VMP1: variants seen among roughly 807,000 people sequenced by gnomAD.
The protein encoded by VMP1 is vacuole membrane protein 1.
Under a neutral mutation model 56.0 loss-of-function variants are expected in VMP1, and 11 were observed. That is an observed-to-expected ratio of 0.20 (90% CI 0.12 to 0.32). VMP1 has a LOEUF of 0.32. Ranked by LOEUF, VMP1 falls within the 10% of genes least tolerant of loss-of-function variation. The pLI is 1.00. For missense variants in VMP1, 296 were observed against 490.3 expected (o/e 0.60, Z 3.74); for synonymous variants, 149 against 165.0 (o/e 0.90, Z 0.74).
chr17:59,737,557 C>A lies in VMP1; in HGVS notation c.303+14C>A. ...GTGCATCAACAGGTGAGAGGTCGAG[C>A]AATTCTGTTTCTAGTCTTGCACATT... On this transcript the variant is annotated intron_variant, in intron 4 of 11. Transcript: ENST00000262291. 6.3e-7 allele frequency: 1 copy of A among 1,594,926 alleles called. No individual in the cohort carries two copies. Among genetic ancestry groups the A allele is most frequent in the Non-Finnish European group, 8.5e-7 (1 of 1,171,514 alleles).
At chr17:59,809,484 ATTTTTTTTTTTTTTTTTTTTT>A (rs71145575) in intron 8 of VMP1, among the ~76,000 whole-genome samples, 4 of 52,716 alleles carry the variant, frequency 7.6e-5, no homozygotes, top group African/African-American at 2.0e-4. Flanking sequence ...CACCCAGCTA[ATTTTTTTTTTTTTTTTTTTTT>A]TTTTTTTTTT....
At chr17:59,743,038 C>A (rs2035287224) in intron 5 of VMP1, among the ~76,000 whole-genome samples, 1 of 152,036 alleles carries the variant, frequency 6.6e-6, no homozygotes, top group Non-Finnish European at 1.5e-5. Context: ...CACACAGTTT[C>A]CTCTACTATT....
At chr17:59,776,302 A>G (rs2036616063) in intron 7 of VMP1, among the ~76,000 whole-genome samples, 1 of 152,216 alleles carries the variant, frequency 6.6e-6, no homozygotes, top group Non-Finnish European at 1.5e-5. Flanking sequence ...TGAATTTAGA[A>G]TAGCCAAATA....
rs1464294001 is a variant in VMP1 at position 59,738,872 on chromosome 17, T to C, written c.339T>C (p.Tyr113=). ...GTATAGAGAAACAGTTTCTTTTGTA[T>C]GCCTACTGGATAGGCTTAGGAATTT... ...VQRIEKQFLL[Y]AYWIGLGILS... Residue 113 remains tyrosine, a synonymous_variant, in exon 5 of 12, where the codon TAT becomes TAC. Transcript: ENST00000262291. The C allele has an allele frequency of 6.2e-6, 10 of 1,613,168 alleles. No individual in the cohort carries two copies. Among genetic ancestry groups the C allele is most frequent in the Non-Finnish European group, 8.5e-6 (10 of 1,179,634 alleles).
intron 1 of VMP1, among the ~76,000 whole-genome samples, chr17:59,710,292 A>G (rs2033865800): frequency 6.6e-6 from 1 of 152,224 alleles, no homozygotes; most frequent in Non-Finnish European, 1.5e-5. Flanking sequence ...TTAACAGAGG[A>G]GAAAATTAAG....
At chr17:59,739,755 C>T (rs1418571528) in intron 5 of VMP1, among the ~76,000 whole-genome samples, 2 of 126,606 alleles carry the variant, frequency 1.6e-5, no homozygotes, top group African/African-American at 5.9e-5. Context: ...AGTGCCCCTT[C>T]TGAAAAATAT....
chr17:59,738,738 T>A (rs2035104348), intron 4 of VMP1, 99 bp from the exon 5 acceptor site: 1 of 901,434 alleles, frequency 1.1e-6, no homozygotes, highest in Middle Eastern at 2.3e-4. Context: ...TTTTTCCTAT[T>A]TGAAACTTAC....
intron 5 of VMP1, among the ~76,000 whole-genome samples, chr17:59,759,440 T>A (rs1225438478): frequency 6.6e-6 from 1 of 152,180 alleles, no homozygotes; most frequent in Non-Finnish European, 1.5e-5. Context: ...GTTCTGTCAG[T>A]TTTTGCTTTA....
intron 7 of VMP1, among the ~76,000 whole-genome samples, chr17:59,781,588 A>T (rs1241977485): frequency 6.6e-6 from 1 of 152,244 alleles, no homozygotes; most frequent in East Asian, 1.9e-4. Context: ...TATACCTAAG[A>T]GTGAAATCAT....
chr17:59,753,908 G>C (rs1230674343), intron 5 of VMP1, among the ~76,000 whole-genome samples: 1 of 152,138 alleles, frequency 6.6e-6, no homozygotes, highest in Non-Finnish European at 1.5e-5. Flanking sequence ...GAACTATTCA[G>C]TTACATTGTA....
chr17:59,839,652 T>G, intron 11 of VMP1, 116 bp from the exon 12 acceptor site: 1 of 1,353,164 alleles, frequency 7.4e-7, no homozygotes, highest in Non-Finnish European at 1.0e-6. Context: ...TTACTTTTCA[T>G]TTTTAATTCT....
chr17:59,778,606 T>A (rs548488870), intron 7 of VMP1, among the ~76,000 whole-genome samples: 1 of 151,374 alleles, frequency 6.6e-6, no homozygotes, highest in Admixed American at 6.6e-5. Context: ...ACAGGCCAGG[T>A]GTAGTGATGG....
chr17:59,789,587 T>G (rs1055233018), intron 7 of VMP1, among the ~76,000 whole-genome samples: 12 of 152,194 alleles, frequency 7.9e-5, no homozygotes, highest in Admixed American at 3.3e-4. Flanking sequence ...GCTTCGTTTT[T>G]GCTTATGAGT....
chr17:59,719,244 A>C (rs967681968), intron 1 of VMP1, among the ~76,000 whole-genome samples: 10 of 152,146 alleles, frequency 6.6e-5, no homozygotes, highest in Middle Eastern at 3.2e-3. Context: ...GCTTGAGCCC[A>C]AGAGTTCCAG....
At chr17:59,740,571 C>A (rs1367374483) in intron 5 of VMP1, among the ~76,000 whole-genome samples, 7 of 152,158 alleles carry the variant, frequency 4.6e-5, no homozygotes, top group South Asian at 2.1e-4. Context: ...TATAATATAT[C>A]ATTTCTCCAA....
chr17:59,776,512 GACCCTTGTGTT>G (rs2144048508), intron 7 of VMP1, among the ~76,000 whole-genome samples: 1 of 152,204 alleles, frequency 6.6e-6, no homozygotes, highest in South Asian at 2.1e-4. Flanking sequence ...TATTTAATAT[GACCCTTGTGTT>G]AACTCTGAGG....
chr17:59,801,287 C>G (rs2144173885), intron 7 of VMP1, among the ~76,000 whole-genome samples: 1 of 151,442 alleles, frequency 6.6e-6, no homozygotes, highest in Admixed American at 6.6e-5. Flanking sequence ...GCTCTGTTGC[C>G]CAGGCTGGAG....
intron 5 of VMP1, among the ~76,000 whole-genome samples, chr17:59,756,554 T>C (rs1288110574): frequency 6.6e-6 from 1 of 152,242 alleles, no homozygotes; most frequent in African/African-American, 2.4e-5. Context: ...AGGCTATGAA[T>C]TGACATTACA....
chr17:59,747,092 T>C (rs1228701561), intron 5 of VMP1, among the ~76,000 whole-genome samples: 2 of 152,208 alleles, frequency 1.3e-5, no homozygotes, highest in African/African-American at 4.8e-5. Context: ...TGGATAAATA[T>C]ATGTGTGTAG....
Sources: allele counts gnomAD v4.1 joint callset (sites outside exome capture counted in the v4.1 genomes callset), GRCh38; gene constraint gnomAD v4.1.1; transcripts MANE v1.5; gene names NCBI Gene and HGNC (gene_info 2026-07-23, HGNC 2026-07-21).